Variants in RGS6 observed in about 807,000 individuals in gnomAD.
The protein encoded by RGS6 is regulator of G-protein signaling 6.
In RGS6, 30 loss-of-function variants were observed where a neutral mutation model predicts 78.5. The observed-to-expected ratio is 0.38, with a 90% confidence interval of 0.29 to 0.52. The LOEUF (loss-of-function observed/expected upper bound fraction) is 0.52. Ranked by LOEUF, RGS6 falls within the 20% of genes least tolerant of loss-of-function variation. The probability of loss-of-function intolerance (pLI) is 0.85; values close to 1 mark genes in which losing one functional copy is unlikely to be tolerated. For missense variants in RGS6, 495 were observed against 609.7 expected, an observed-to-expected ratio of 0.81 and a Z score of 1.98; for synonymous variants, 206 against 206.0, an observed-to-expected ratio of 1.00 and a Z score of 0.00.
At chr14:72,320,573 G>C (rs1338701267) in intron 2 of RGS6, among the ~76,000 whole-genome samples, 1 of 151,784 alleles carries the variant, frequency 6.6e-6, no homozygotes, top group Non-Finnish European at 1.5e-5. Flanking sequence ...GCAAGACTCT[G>C]TCTCAAAAAA....
chr14:72,193,787 G>A (rs1189727222), intron 2 of RGS6, among the ~76,000 whole-genome samples: 2 of 152,104 alleles, frequency 1.3e-5, no homozygotes, highest in East Asian at 1.9e-4. Context: ...AAGGTATATG[G>A]CTGGTAGAAA....
At chr14:71,974,181 T>G (rs747442685) in intron 2 of RGS6, among the ~76,000 whole-genome samples, 3 of 151,990 alleles carry the variant, frequency 2.0e-5, no homozygotes, top group Non-Finnish European at 4.4e-5. Context: ...AATTCCCTAT[T>G]GGCAGGATTT....
chr14:72,555,262 G>A (rs2097557048), intron 17 of RGS6, among the ~76,000 whole-genome samples: 1 of 152,180 alleles, frequency 6.6e-6, no homozygotes, highest in Non-Finnish European at 1.5e-5. Context: ...AAACAGAACG[G>A]TGGGTTCACC....
chr14:72,020,337 T>G (rs1433159753), intron 2 of RGS6, among the ~76,000 whole-genome samples: 2 of 152,182 alleles, frequency 1.3e-5, no homozygotes, highest in African/African-American at 4.8e-5. Context: ...ACCAAGTGCC[T>G]TTCTTTTCTG....
At chr14:72,619,226 G>A in the RGS6 span, 49 of 1,441,564 alleles carry the variant, frequency 3.4e-5, no homozygotes, top group East Asian at 3.0e-4. Flanking sequence ...TGGGAGGAGG[G>A]CGCGTTCTGG....
At chr14:72,251,029 T>C (rs1355473068) in intron 2 of RGS6, among the ~76,000 whole-genome samples, 1 of 152,184 alleles carries the variant, frequency 6.6e-6, no homozygotes, top group South Asian at 2.1e-4. Flanking sequence ...AGCACTCTCT[T>C]TGTAGAGGAG....
At position 72,143,987 on chromosome 14, in the gene RGS6, T is replaced by C. The variant is rs186861788; in HGVS notation, c.84+179112T>C. Among the ~76,000 whole-genome samples, 4 of 152,096 alleles carry C rather than the reference T, an allele frequency of 2.6e-5. No homozygotes were observed. The East Asian group carries it at 7.7e-4, about 29-fold the overall frequency. ...GCGAGAAAAAGACCACCAGAGAAAC[T>C]GAAGAAACAACTGGAATCATCTTTG... On this transcript the variant is annotated intron_variant, in intron 2 of 17. Transcript: ENST00000553525.
At chr14:72,135,062 AT>A in intron 2 of RGS6, among the ~76,000 whole-genome samples, 1 of 152,216 alleles carries the variant, frequency 6.6e-6, no homozygotes, top group Non-Finnish European at 1.5e-5. Context: ...CAACTGACAC[AT>A]AAAATTAACC....
intron 2 of RGS6, among the ~76,000 whole-genome samples, chr14:72,020,669 TG>T (rs766382705): frequency 7.9e-5 from 12 of 152,254 alleles, no homozygotes; most frequent in Non-Finnish European, 1.8e-4. Flanking sequence ...GAATATGTTT[TG>T]TGTGCCAGGC....
chr14:72,223,188 G>T (rs2047289480), intron 2 of RGS6, among the ~76,000 whole-genome samples: 1 of 152,148 alleles, frequency 6.6e-6, no homozygotes, highest in Admixed American at 6.6e-5. Flanking sequence ...CCTAAAAAAA[G>T]AAAAACTTTA....
intron 2 of RGS6, among the ~76,000 whole-genome samples, chr14:72,261,282 GTTAACCTGA>G (rs1171028032): frequency 1.3e-5 from 2 of 152,194 alleles, no homozygotes; most frequent in Admixed American, 1.3e-4. Flanking sequence ...ACTTCCCTGT[GTTAACCTGA>G]GAAGAGCTAC....
chr14:72,602,478 A>C, the RGS6 span, among the ~76,000 whole-genome samples: 1 of 152,158 alleles, frequency 6.6e-6, no homozygotes, highest in African/African-American at 2.4e-5. Context: ...CATGGCCGCC[A>C]CAGGTCATCC....
chr14:72,228,899 T>TA (rs1231432623), intron 2 of RGS6, among the ~76,000 whole-genome samples: 1 of 152,066 alleles, frequency 6.6e-6, no homozygotes, highest in East Asian at 1.9e-4. Context: ...ACTAAAAATA[T>TA]AAAAATTTAG....
chr14:72,161,043 A>G lies in RGS6; in HGVS notation c.85-191052A>G, dbSNP rs145600573. 6.7e-3 allele frequency among the ~76,000 whole-genome samples: 1,019 copies of G among 152,362 alleles called. 14 individuals carry two copies. The highest frequency in any genetic ancestry group is 0.023 in the African/African-American group (976 of 41,588). ...AAAGAAAATGTGGCACATATACACC[A>G]TGGAATGCTATGCAGCCATAAAAGA... On this transcript the variant is annotated intron_variant, in intron 2 of 17. Coordinates refer to ENST00000553525, the MANE Select transcript of RGS6 (RefSeq NM_001204424.2).
intron 2 of RGS6, among the ~76,000 whole-genome samples, chr14:71,978,695 G>C (rs1242603840): frequency 1.3e-4 from 20 of 151,818 alleles, no homozygotes; most frequent in African/African-American, 2.4e-5. Flanking sequence ...TTGCATCAAT[G>C]TTCATCAAGG....
chr14:72,552,042 G>A (rs2097514976), intron 17 of RGS6, among the ~76,000 whole-genome samples: 1 of 152,200 alleles, frequency 6.6e-6, no homozygotes. Flanking sequence ...CTCATACTTA[G>A]GCTGCGCTTA....
chr14:72,187,521 C>A (rs1203964146), intron 2 of RGS6, among the ~76,000 whole-genome samples: 1 of 152,124 alleles, frequency 6.6e-6, no homozygotes, highest in Non-Finnish European at 1.5e-5. Flanking sequence ...GATTTTCAGT[C>A]TTTTATTTCC....
chr14:72,082,466 C>G (rs1186255983), intron 2 of RGS6, among the ~76,000 whole-genome samples: 4 of 151,968 alleles, frequency 2.6e-5, no homozygotes, highest in African/African-American at 9.7e-5. Flanking sequence ...AGAAACACCT[C>G]TGAGTTTTGT....
In RGS6 at chr14:72,518,444, G is replaced by C; in HGVS notation, c.1185G>C (p.Gly395=). The change falls in exon 15 of 18, where the codon GGG becomes GGC. Residue 395 remains glycine (G), a synonymous_variant. Coordinates refer to ENST00000553525, the MANE Select transcript of RGS6 (RefSeq NM_001204424.2). The part of the protein sequence containing the change: ...EEIWQEFLAP[G]APSAINLDSH... ...TCTGGCAAGAGTTTCTGGCTCCAGG[G>C]GCTCCAAGTGCAATCAACCTGGATT... 6.2e-7 allele frequency: 1 copy of C among 1,614,164 alleles called. No individual in the cohort carries two copies. Among genetic ancestry groups the C allele is most frequent in the Admixed American group, 1.7e-5 (1 of 60,024 alleles).
Sources: allele counts gnomAD v4.1 joint callset (sites outside exome capture counted in the v4.1 genomes callset), GRCh38; gene constraint gnomAD v4.1.1; transcripts MANE v1.5; gene names NCBI Gene and HGNC (gene_info 2026-07-23, HGNC 2026-07-21).